Variants in TATDN1 observed in about 807,000 individuals in gnomAD.
The protein encoded by TATDN1 is deoxyribonuclease TATDN1.
TATDN1 carries 40 observed loss-of-function variants against 46.4 expected under a neutral mutation model. The ratio of observed to expected loss-of-function variants is 0.86; its 90% CI spans 0.67 to 1.12. The LOEUF is 1.12. Ranked by LOEUF, TATDN1 falls within the 50% of genes most tolerant of loss-of-function variation. The probability of loss-of-function intolerance (pLI) is 0.00; values close to 1 mark genes in which losing one functional copy is unlikely to be tolerated. For synonymous variants in TATDN1, 95 were observed against 105.6 expected (o/e 0.90, Z 0.62); for missense variants, 326 against 348.4 (o/e 0.94, Z 0.51).
In TATDN1 at chr8:124,495,146, CAG is replaced by C. The variant is rs1817357056; in HGVS notation, c.664+324_664+325del. The C allele has an allele frequency of 5.6e-5, 18 of 318,864 alleles. No homozygotes were observed. In the South Asian group the frequency reaches 6.5e-4, roughly 12 times the overall value. The allele number at this position is 318,864 out of a possible 1,614,324, so 19.8% of individuals were successfully genotyped here. ...GACACTGTGTAAACAAAATTCTGAA[CAG>C]ATTTTGAAACTTGGAAGTGTGATGT... is the stretch of plus-strand genomic sequence containing the variant. On this transcript the variant is annotated intron_variant, in intron 10 of 11. Transcript: ENST00000276692.
chr8:124,488,899 A>G, intron 11 of TATDN1: 2 of 496,336 alleles, frequency 4.0e-6, no homozygotes, highest in South Asian at 2.6e-5. Context: ...TCTTGCATAT[A>G]ACTAGAGCTA....
At chr8:124,535,147 C>T (rs369762424) in intron 1 of TATDN1, among the ~76,000 whole-genome samples, 1 of 152,132 alleles carries the variant, frequency 6.6e-6, no homozygotes, top group African/African-American at 2.4e-5. Flanking sequence ...AGGCAAACCC[C>T]CATCCTGAGG....
chr8:124,522,226 G>C (rs1389798314), intron 2 of TATDN1, 26 bp from the exon 3 acceptor site: 1 of 1,512,216 alleles, frequency 6.6e-7, no homozygotes, highest in East Asian at 2.4e-5. Flanking sequence ...TCTGTATTAT[G>C]AAAACCTGGC....
intron 1 of TATDN1, among the ~76,000 whole-genome samples, chr8:124,529,437 T>C (rs1027674662): frequency 2.6e-5 from 4 of 152,144 alleles, no homozygotes; most frequent in Non-Finnish European, 4.4e-5. Flanking sequence ...TTCTGTAAGT[T>C]TGTGTAAGGA....
chr8:124,488,633 T>C lies in TATDN1; in HGVS notation c.855A>G (p.Leu285=). 4 of 1,598,176 alleles carry C rather than the reference T, an allele frequency of 2.5e-6. No homozygotes were observed. In the South Asian group the frequency reaches 3.3e-5, roughly 13 times the overall value. Residue 285 remains leucine, a synonymous_variant, in exon 12 of 12, where the codon CTA becomes CTG. Coordinates refer to ENST00000276692, the MANE Select transcript of TATDN1 (RefSeq NM_032026.4). Reference sequence around the variant, plus strand: ...AAAATACTTTAATAGTATTGTTATATAGTGTATTGGCTAATTCCAGTGGAT... The same window carrying C: ...AAAATACTTTAATAGTATTGTTATACAGTGTATTGGCTAATTCCAGTGGAT... The part of the protein sequence containing the change: ...DEDPLELANT[L]YNNTIKVFFP...
intron 3 of TATDN1, among the ~76,000 whole-genome samples, chr8:124,520,174 C>T (rs1170345046): frequency 2.6e-5 from 4 of 152,184 alleles, no homozygotes; most frequent in East Asian, 1.9e-4. Flanking sequence ...CAGTGGCTCA[C>T]GCCTATAATC....
intron 4 of TATDN1, among the ~76,000 whole-genome samples, chr8:124,518,217 A>G (rs1819683781): frequency 2.6e-5 from 3 of 115,686 alleles, no homozygotes; most frequent in East Asian, 3.3e-4. Flanking sequence ...ATCTCAAAAA[A>G]AAAAAAAAAA....
At chr8:124,505,691 TAAC>T (rs1818349848) in intron 8 of TATDN1, among the ~76,000 whole-genome samples, 1 of 151,884 alleles carries the variant, frequency 6.6e-6, no homozygotes, top group African/African-American at 2.4e-5. Flanking sequence ...AAACAACATA[TAAC>T]AACAGCCCTC....
At chr8:124,507,255 A>G (rs1359893393) in intron 8 of TATDN1, among the ~76,000 whole-genome samples, 1 of 152,232 alleles carries the variant, frequency 6.6e-6, no homozygotes, top group Non-Finnish European at 1.5e-5. Flanking sequence ...TAAAATGGCT[A>G]TATCAGAGAA....
chr8:124,495,890 G>A (rs1355935828), intron 9 of TATDN1, among the ~76,000 whole-genome samples: 1 of 152,210 alleles, frequency 6.6e-6, no homozygotes, highest in African/African-American at 2.4e-5. Flanking sequence ...TTCATTTCCT[G>A]AATTTTCCAT....
intron 11 of TATDN1, chr8:124,489,975 T>C (rs143108573): frequency 2.2e-3 from 338 of 152,360 alleles, no homozygotes; most frequent in African/African-American, 7.7e-3. Flanking sequence ...TTGATGTTTA[T>C]ACTAAGCAAA....
At position 124,515,762 on chromosome 8, in the gene TATDN1, T is replaced by A; in HGVS notation, c.373A>T (p.Lys125Ter). The A allele has an allele frequency of 6.2e-7, 1 of 1,613,832 alleles. No individual in the cohort carries two copies. The highest frequency in any genetic ancestry group is 8.5e-7 in the Non-Finnish European group (1 of 1,179,844). The change falls in exon 6 of 12, where the codon AAA becomes TAA. Residue 125 changes from lysine to a stop codon, truncating the protein, a stop_gained. Transcript: ENST00000276692. LOFTEE classifies it high-confidence loss of function. ...LDFDRLQFCPKDTQLKYFEKQ... is the reference protein window; with the variant it reads ...LDFDRLQFCP ...TTTCCTTACTTGAGTTGAGTATCTT[T>A]GGGACAAAACTGCAGTCGGTCAAAA...
rs972255649 is a variant in TATDN1, at chr8:124,512,427, A to AAAACAAAC, written c.389+3311_389+3318dup. Among the ~76,000 whole-genome samples the AAAACAAAC allele has an allele frequency of 2.0e-4, 31 of 152,188 alleles. 1 individual carries two copies. On this transcript the variant is annotated intron_variant, in intron 6 of 11. Transcript: ENST00000276692. Reference sequence around the variant, plus strand: ...GGGACAGAGTGAGACTCCATCTCAAAAAACAAACAAACAAACAAACAAACA... The same window carrying AAAACAAAC: ...GGGACAGAGTGAGACTCCATCTCAAAAAACAAACAAACAAACAAACAAACAAACAAACA...
chr8:124,530,193 G>C (rs1438310248), intron 1 of TATDN1, among the ~76,000 whole-genome samples: 5 of 152,150 alleles, frequency 3.3e-5, no homozygotes, highest in African/African-American at 7.2e-5. Flanking sequence ...TCAAAACAAG[G>C]GGTGACAATA....
chr8:124,498,796 G>A lies in TATDN1; in HGVS notation c.594-3254C>T, dbSNP rs191324051. ...CTCCCAAGTAGCTGAGATTACAGGC[G>A]CACACCACCACACCCAGCTAATTTT... On this transcript the variant is annotated intron_variant, in intron 9 of 11. Coordinates refer to ENST00000276692, the MANE Select transcript of TATDN1 (RefSeq NM_032026.4). Among the ~76,000 whole-genome samples the A allele has an allele frequency of 3.0e-3, 456 of 151,864 alleles. 1 individual carries two copies. Among genetic ancestry groups the A allele is most frequent in the Non-Finnish European group, 3.3e-3 (221 of 67,920 alleles).
chr8:124,492,631 A>G (rs910497152), intron 11 of TATDN1, among the ~76,000 whole-genome samples: 1 of 151,596 alleles, frequency 6.6e-6, no homozygotes, highest in Non-Finnish European at 1.5e-5. Context: ...GCATGTGCCT[A>G]TAGTTCCAGC....
At chr8:124,489,428 T>G (rs1431106514) in intron 11 of TATDN1, 1 of 152,186 alleles carries the variant, frequency 6.6e-6, no homozygotes, top group African/African-American at 2.4e-5. Context: ...TTTCTTTCTT[T>G]TTTGAGACGG....
In TATDN1 at chr8:124,492,106, C is replaced by G. The variant is rs189162390; in HGVS notation, c.791+1727G>C. Among the ~76,000 whole-genome samples the G allele has an allele frequency of 5.7e-4, 86 of 152,162 alleles. No individual in the cohort carries two copies. In the East Asian group the frequency reaches 0.016, roughly 28 times the overall value. ...TCTCCTGCCTCAGCCTCCTGAGTAG[C>G]TGGCATTACGGGCATCCGCCATGAC... is the stretch of plus-strand genomic sequence containing the variant. On this transcript the variant is annotated intron_variant, in intron 11 of 11. Transcript: ENST00000276692.
chr8:124,508,248 A>T (rs1818683704), intron 8 of TATDN1, among the ~76,000 whole-genome samples: 1 of 152,224 alleles, frequency 6.6e-6, no homozygotes, highest in East Asian at 1.9e-4. Flanking sequence ...AAATTCATTT[A>T]TGTTTCACAT....
Sources: gnomAD v4.1 joint callset for allele counts (sites outside exome capture counted in the v4.1 genomes callset) on GRCh38, gnomAD v4.1.1 for gene constraint, MANE v1.5 for transcripts, NCBI Gene and HGNC (gene_info 2026-07-23, HGNC 2026-07-21) for gene names.